Variants in RP1L1 observed in about 807,000 individuals in gnomAD.
RP1L1 encodes the protein RP1 like 1, also known as retinitis pigmentosa 1-like 1 protein.
In RP1L1, 27 loss-of-function variants were observed where a neutral mutation model predicts 15.7. The ratio of observed to expected loss-of-function variants is 1.72; its 90% confidence interval spans 1.27 to 2.38. The LOEUF is 2.38. RP1L1 is among the 30% of genes most tolerant of loss of function. The pLI is 0.00. For missense variants in RP1L1, 4,798 were observed against 3,075.9 expected (o/e 1.56, Z -13.24); for synonymous variants, 1,813 against 1,276.7 (o/e 1.42, Z -8.96).
chr8:10,649,087 T>C (rs1046865016), intron 1 of RP1L1, among the ~76,000 whole-genome samples: 2 of 152,236 alleles, frequency 1.3e-5, no homozygotes, highest in Non-Finnish European at 2.9e-5. Flanking sequence ...AAAAGCCTTG[T>C]AGGGGTTTTC....
rs757508423 is a variant in RP1L1, at chr8:10,606,854, A to G, written c.*41T>C. The G allele has an allele frequency of 6.2e-7, 1 of 1,612,886 alleles. No homozygotes were observed. Among genetic ancestry groups the G allele is most frequent in the Non-Finnish European group, 8.5e-7 (1 of 1,180,008 alleles). ...TTGTAGAAAAAATATGAATAAAAAC[A>G]GAGCTCCCAAGCTCGTGATTGTTTT... On this transcript the variant is annotated 3_prime_UTR_variant, in exon 4 of 4. Transcript: ENST00000382483.
In RP1L1 at chr8:10,613,230, C is replaced by T. The variant is rs765627459; in HGVS notation, c.868G>A (p.Gly290Ser). ...GCTGGCGTGTCCTGAGGGTGCCTGC[C>T]AGGAGCAGGGCCCACCGGGGGGTTG... Reference protein sequence around the residue: ...PSNPPVGPAPGRHPQDTPAQS... With the variant: ...PSNPPVGPAPSRHPQDTPAQS... Residue 290 changes from glycine (G) to serine (S), a missense_variant, in exon 4 of 4, where the codon GGC becomes AGC. Coordinates refer to ENST00000382483, the MANE Select transcript of RP1L1 (RefSeq NM_178857.6). 1 of 1,613,170 alleles carries T rather than the reference C, an allele frequency of 6.2e-7. No homozygotes were observed. The highest frequency in any genetic ancestry group is 8.5e-7 in the Non-Finnish European group (1 of 1,180,024).
chr8:10,617,784 C>T (rs1585975340), intron 2 of RP1L1, among the ~76,000 whole-genome samples: 1 of 152,058 alleles, frequency 6.6e-6, no homozygotes, highest in Non-Finnish European at 1.5e-5. Flanking sequence ...TCTCGATCTC[C>T]TGACCTCGTG....
chr8:10,626,843 T>G (rs915082118), intron 1 of RP1L1, among the ~76,000 whole-genome samples: 4 of 152,160 alleles, frequency 2.6e-5, no homozygotes, highest in African/African-American at 9.7e-5. Flanking sequence ...TTCGATTGAT[T>G]CTGGGTGCTG....
chr8:10,630,795 C>T (rs1033830307), intron 1 of RP1L1, among the ~76,000 whole-genome samples: 2 of 152,238 alleles, frequency 1.3e-5, no homozygotes, highest in Non-Finnish European at 2.9e-5. Flanking sequence ...TTGAAATCCA[C>T]TGAGCCAAAA....
rs192731232 is a variant in RP1L1 at position 10,611,246 on chromosome 8, G to T, written c.2852C>A (p.Ser951Ter). The T allele has an allele frequency of 1.2e-6, 2 of 1,613,016 alleles. No individual in the cohort carries two copies. The highest frequency in any genetic ancestry group is 1.7e-6 in the Non-Finnish European group (2 of 1,180,026). Residue 951 changes from serine to a stop codon, truncating the protein, a stop_gained, in exon 4 of 4, where the codon TCG (serine) becomes TAG (stop). Transcript: ENST00000382483. LOFTEE classifies it low-confidence loss of function (END_TRUNC). ...TTCGCGGACCACAGCCTCTGGAGAC[G>T]AGCGGGGCAGAGAGCTGGGTGACAC... ...SGVSPSSLPRSSPEAVVREWL... is the reference protein window; with the variant it reads ...SGVSPSSLPR
intron 3 of RP1L1, among the ~76,000 whole-genome samples, chr8:10,613,928 G>C: frequency 6.6e-6 from 1 of 152,324 alleles, no homozygotes; most frequent in East Asian, 1.9e-4. Flanking sequence ...CTGCTTACTA[G>C]CTGCGTAGTT....
Position 10,612,042 on chromosome 8 carries a change from C to T in RP1L1, c.2056G>A (p.Val686Met). ...SPLDSSVTKQ[V>M]PRPPERRRAC... ...CTTCGCCGCTCAGGAGGCCTCGGCA[C>T]TTGCTTGGTTACAGAGGAGTCCAGT... Residue 686 changes from valine (V) to methionine (M), a missense_variant, in exon 4 of 4, where the codon GTG (valine) becomes ATG (methionine). Val to Met is a conservative substitution (Grantham distance 21). Transcript: ENST00000382483. 1 of 1,613,908 alleles carries T rather than the reference C, an allele frequency of 6.2e-7. No individual in the cohort carries two copies.
intron 1 of RP1L1, among the ~76,000 whole-genome samples, chr8:10,643,085 C>T (rs1314879068): frequency 6.6e-6 from 1 of 151,986 alleles, no homozygotes; most frequent in Non-Finnish European, 1.5e-5. Flanking sequence ...ACCTGTAATC[C>T]CAGCACTTTG....
At chr8:10,616,229 A>C (rs1797962619) in intron 3 of RP1L1, among the ~76,000 whole-genome samples, 1 of 152,152 alleles carries the variant, frequency 6.6e-6, no homozygotes. Flanking sequence ...TTATATACCA[A>C]GCACTGCCCT....
chr8:10,620,137 C>G (rs1460189481), intron 2 of RP1L1, among the ~76,000 whole-genome samples: 1 of 152,138 alleles, frequency 6.6e-6, no homozygotes, highest in Non-Finnish European at 1.5e-5. Context: ...AAACATTTTG[C>G]TTTCCATCCC....
chr8:10,608,135 T>A lies in RP1L1; in HGVS notation c.5963A>T (p.Glu1988Val). 6.2e-6 allele frequency: 10 copies of A among 1,612,822 alleles called. No individual in the cohort carries two copies. Among genetic ancestry groups the A allele is most frequent in the Non-Finnish European group, 8.5e-6 (10 of 1,179,730 alleles). ...CTCTGGCTGGGCCTCCCCTTCTGCC[T>A]CCTGGGTCTCCACTTCAACCTCCAG... is the stretch of plus-strand genomic sequence containing the variant. Reference protein sequence around the residue: ...EALEVEVETQEAEGEAQPESE... With the variant: ...EALEVEVETQVAEGEAQPESE... Residue 1988 changes from glutamate (E) to valine (V), a missense_variant, in exon 4 of 4, where the codon GAG becomes GTG. Transcript: ENST00000382483.
chr8:10,652,361 G>A (rs1798575261), intron 1 of RP1L1, among the ~76,000 whole-genome samples: 1 of 152,200 alleles, frequency 6.6e-6, no homozygotes, highest in South Asian at 2.1e-4. Flanking sequence ...CCATCCAGAA[G>A]GGTTGGGGGC....
rs1321381355 is a variant in RP1L1 at position 10,612,101 on chromosome 8, C to T, written c.1997G>A (p.Arg666Lys). Residue 666 changes from arginine (R) to lysine (K), a missense_variant, in exon 4 of 4, where the codon AGG becomes AAG. Coordinates refer to ENST00000382483, the MANE Select transcript of RP1L1 (RefSeq NM_178857.6). ...LGRVAPRGHP[R>K]HSHYRKDTHS... ...GGTGTCCTTGCGGTAGTGAGAATGC[C>T]TGGGATGGCCTCTCGGGGCCACTCG... The T allele has an allele frequency of 1.9e-6, 3 of 1,613,802 alleles. No homozygotes were observed. In the Admixed American group the frequency reaches 5.0e-5, roughly 27 times the overall value.
At chr8:10,654,861 G>A (rs953381581) in intron 1 of RP1L1, 37 bp downstream of exon 1, 4 of 152,848 alleles carry the variant, frequency 2.6e-5, no homozygotes, top group African/African-American at 9.6e-5. Flanking sequence ...TCAGGTGGCT[G>A]GCTGACCCTG....
rs1797970326 is a variant in RP1L1 at position 10,616,606 on chromosome 8, G to C, written c.610-19C>G. On this transcript the variant is annotated intron_variant, in intron 2 of 3. Transcript: ENST00000382483. ...AGTCCACCTGAGGGAGGAGCGGGCG[G>C]GGTCAGGAGGCCTGGGCTGCAGAAA... 5 of 1,604,470 alleles carry C rather than the reference G, an allele frequency of 3.1e-6. 1 individual carries two copies. The highest frequency in any genetic ancestry group is 4.2e-6 in the Non-Finnish European group (5 of 1,177,930).
chr8:10,654,180 G>A (rs954110083), intron 1 of RP1L1, among the ~76,000 whole-genome samples: 12 of 152,182 alleles, frequency 7.9e-5, no homozygotes, highest in South Asian at 2.1e-4. Flanking sequence ...AAACTGGGAC[G>A]GGAGACTGGC....
chr8:10,650,553 CT>C (rs1187467021), intron 1 of RP1L1, among the ~76,000 whole-genome samples: 2,118 of 138,568 alleles, frequency 0.015, 18 homozygotes, highest in African/African-American at 0.032. Context: ...CTCCGTAGTT[CT>C]TTTTTTTTTT....
intron 1 of RP1L1, among the ~76,000 whole-genome samples, chr8:10,640,548 G>C (rs1421009002): frequency 1.3e-5 from 2 of 151,910 alleles, no homozygotes; most frequent in Non-Finnish European, 2.9e-5. Flanking sequence ...AGTTGCTCAG[G>C]AGGCTGAAGC....
Sources: allele counts gnomAD v4.1 joint callset (sites outside exome capture counted in the v4.1 genomes callset), GRCh38; gene constraint gnomAD v4.1.1; transcripts MANE v1.5; gene names NCBI Gene and HGNC (gene_info 2026-07-23, HGNC 2026-07-21).